Variants in KLHDC7A observed in about 807,000 individuals in gnomAD.
KLHDC7A encodes the protein kelch domain containing 7A, also known as kelch domain-containing protein 7A.
For missense variants in KLHDC7A, 1,123 were observed against 1,052.6 expected, an observed-to-expected ratio of 1.07 and a Z score of -0.93; for synonymous variants, 464 against 461.0, an observed-to-expected ratio of 1.01 and a Z score of -0.08.
At position 18,484,840 on chromosome 1, in the gene KLHDC7A, G is replaced by C. The variant is rs1273156404; in HGVS notation, c.*1525G>C. 1.2e-5 allele frequency: 2 copies of C among 167,054 alleles called. No homozygotes were observed. The highest frequency in any genetic ancestry group is 4.8e-5 in the African/African-American group (2 of 41,400). 10.3% of individuals were successfully genotyped at this position (167,054 alleles called of 1,614,324 possible). On this transcript the variant is annotated 3_prime_UTR_variant, in exon 1 of 1. Coordinates refer to ENST00000400664, the MANE Select transcript of KLHDC7A (RefSeq NM_152375.3). ...ACCACCATCCCTGGTCTGGGCTCTG[G>C]CACCAGGCTCTGCCAGTGGCAGCTC... is the stretch of plus-strand genomic sequence containing the variant.
Position 18,481,390 on chromosome 1 carries a change from C to T in KLHDC7A, c.409C>T (p.Pro137Ser), listed in dbSNP as rs1432897582. 6.2e-7 allele frequency: 1 copy of T among 1,612,800 alleles called. No individual in the cohort carries two copies. Residue 137 changes from proline (P) to serine (S), a missense_variant, in exon 1 of 1, where the codon CCT becomes TCT. Pro to Ser is a moderately conservative substitution (Grantham distance 74). Coordinates refer to ENST00000400664, the MANE Select transcript of KLHDC7A (RefSeq NM_152375.3). Reference protein sequence around the residue: ...GGQGSDSEQVPPCCPSQETRT... With the variant: ...GGQGSDSEQVSPCCPSQETRT... ...GCAGGGCTCGGACTCTGAGCAGGTG[C>T]CTCCTTGCTGCCCCAGCCAGGAAAC...
At position 18,483,049 on chromosome 1, in the gene KLHDC7A, A is replaced by T; in HGVS notation, c.2068A>T (p.Ile690Phe). The T allele has an allele frequency of 6.2e-7, 1 of 1,613,606 alleles. No homozygotes were observed. Residue 690 changes from isoleucine (I) to phenylalanine (F), a missense_variant, in exon 1 of 1, where the codon ATC becomes TTC. Ile to Phe is a conservative substitution (Grantham distance 21). Transcript: ENST00000400664. Reference protein sequence around the residue: ...YRFDLNRSLGIAVYRCSASTR... With the variant: ...YRFDLNRSLGFAVYRCSASTR... ...CTTTGACCTCAACCGCAGCCTGGGC[A>T]TCGCCGTGTACCGCTGCAGCGCCAG...
chr1:18,482,095 A>G lies in KLHDC7A; in HGVS notation c.1114A>G (p.Asn372Asp). The G allele has an allele frequency of 3.1e-6, 5 of 1,612,074 alleles. No individual in the cohort carries two copies. Among genetic ancestry groups the G allele is most frequent in the Non-Finnish European group, 4.2e-6 (5 of 1,179,364 alleles). The change falls in exon 1 of 1, where the codon AAC becomes GAC. Residue 372 changes from asparagine to aspartate, a missense_variant. By Grantham distance (23) the Asn-to-Asp change is conservative. Transcript: ENST00000400664. ...RKESLLQIAE[N>D]PELQLQPDGF... ...GGAGAGCCTTCTGCAGATAGCGGAG[A>G]ACCCAGAGCTGCAGCTGCAGCCAGA...
Position 18,482,568 on chromosome 1 carries a change from G to T in KLHDC7A, c.1587G>T (p.Val529=), listed in dbSNP as rs1175176816. 6.2e-7 allele frequency: 1 copy of T among 1,611,832 alleles called. No individual in the cohort carries two copies. ...RPLARMPPEA[V]SRGCAICSLF... ...TGGCTCGCATGCCCCCCGAGGCCGTGTCCCGGGGCTGTGCCATCTGCAGTC... is the reference window on the plus strand; with the variant it reads ...TGGCTCGCATGCCCCCCGAGGCCGTTTCCCGGGGCTGTGCCATCTGCAGTC... Residue 529 remains valine (V), a synonymous_variant, in exon 1 of 1, where the codon GTG becomes GTT. Coordinates refer to ENST00000400664, the MANE Select transcript of KLHDC7A (RefSeq NM_152375.3).
rs751307687 is a variant in KLHDC7A at position 18,481,891 on chromosome 1, G to A, written c.910G>A (p.Gly304Ser). 1 of 1,613,444 alleles carries A rather than the reference G, an allele frequency of 6.2e-7. No homozygotes were observed. Among genetic ancestry groups the A allele is most frequent in the Non-Finnish European group, 8.5e-7 (1 of 1,179,798 alleles). ...VESTSQAIFQ[G>S]RLAPRTAALT... ...ATCTACCTCTCAGGCCATCTTCCAG[G>A]GCAGGCTGGCTCCCAGGACAGCAGC... The change falls in exon 1 of 1, where the codon GGC becomes AGC. Residue 304 changes from glycine to serine, a missense_variant. Coordinates refer to ENST00000400664, the MANE Select transcript of KLHDC7A (RefSeq NM_152375.3).
In KLHDC7A at chr1:18,484,588, TTG is replaced by T. The variant is rs2086921756; in HGVS notation, c.*1274_*1275del. 1 of 167,474 alleles carries T rather than the reference TTG, an allele frequency of 6.0e-6. No homozygotes were observed. Among genetic ancestry groups the T allele is most frequent in the Non-Finnish European group, 1.5e-5 (1 of 68,448 alleles). 10.4% of individuals were successfully genotyped at this position (167,474 alleles called of 1,614,324 possible). A position where few individuals can be genotyped will look rare whatever the true frequency, so the allele number is the denominator to read the frequency against. ...TGCTTTGGACCTCAGTGTCCTTGTC[TTG>T]AAAATGGGAAGGACAATTCATGTCC... On this transcript the variant is annotated 3_prime_UTR_variant, in exon 1 of 1. Transcript: ENST00000400664.
In KLHDC7A at chr1:18,481,665, G is replaced by T; in HGVS notation, c.684G>T (p.Val228=). 6.2e-7 allele frequency: 1 copy of T among 1,614,148 alleles called. No individual in the cohort carries two copies. Among genetic ancestry groups the T allele is most frequent in the African/African-American group, 1.3e-5 (1 of 75,062 alleles). The change falls in exon 1 of 1, where the codon GTG becomes GTT. Residue 228 remains valine (V), a synonymous_variant. Coordinates refer to ENST00000400664, the MANE Select transcript of KLHDC7A (RefSeq NM_152375.3). ...ACCAGAGCTGGGTCTTCACCCGTGT[G>T]ATAGGGGTCAGCAGAGAAGAGGCTG... is the stretch of plus-strand genomic sequence containing the variant. ...DMNQSWVFTR[V]IGVSREEAGA... is the part of the protein sequence containing the mutation.
chr1:18,481,455 C>A lies in KLHDC7A; in HGVS notation c.474C>A (p.Phe158Leu). 2 of 1,613,546 alleles carry A rather than the reference C, an allele frequency of 1.2e-6. No individual in the cohort carries two copies. Among genetic ancestry groups the A allele is most frequent in the Non-Finnish European group, 1.7e-6 (2 of 1,179,876 alleles). ...AVGSNPDPPH[F>L]PRLGSEPKSS... is the part of the protein sequence containing the mutation. ...GCAGTAACCCTGACCCTCCCCATTT[C>A]CCCCGCTTGGGCAGCGAACCGAAGA... The change falls in exon 1 of 1, where the codon TTC becomes TTA. Residue 158 changes from phenylalanine to leucine, a missense_variant. Physicochemically the swap from Phe to Leu is conservative, Grantham distance 22. Transcript: ENST00000400664.
At position 18,482,015 on chromosome 1, in the gene KLHDC7A, G is replaced by A; in HGVS notation, c.1034G>A (p.Arg345Lys). ...QAGDTKGAAE[R>K]AASPQTGPWP... ...GGTGACACAAAGGGTGCAGCCGAAA[G>A]AGCCGCCTCCCCGCAGACAGGGCCG... The change falls in exon 1 of 1, where the codon AGA becomes AAA. Residue 345 changes from arginine (R) to lysine (K), a missense_variant. Coordinates refer to ENST00000400664, the MANE Select transcript of KLHDC7A (RefSeq NM_152375.3). 1.2e-6 allele frequency: 2 copies of A among 1,612,880 alleles called. No individual in the cohort carries two copies. Among genetic ancestry groups the A allele is most frequent in the East Asian group, 2.2e-5 (1 of 44,854 alleles).
chr1:18,481,857 C>T lies in KLHDC7A; in HGVS notation c.876C>T (p.Tyr292=). The change falls in exon 1 of 1, where the codon TAC becomes TAT. Residue 292 remains tyrosine (Y), a synonymous_variant. Coordinates refer to ENST00000400664, the MANE Select transcript of KLHDC7A (RefSeq NM_152375.3). The stretch of plus-strand genomic sequence containing the variant: ...GGCTCAAGGGCAAGGTGTACGACTA[C>T]TATGTGGAATCTACCTCTCAGGCCA... ...EPRLKGKVYD[Y]YVESTSQAIF... 6.2e-7 allele frequency: 1 copy of T among 1,613,998 alleles called. No homozygotes were observed. Among genetic ancestry groups the T allele is most frequent in the Non-Finnish European group, 8.5e-7 (1 of 1,179,968 alleles).
chr1:18,484,284 G>A lies in KLHDC7A; in HGVS notation c.*969G>A, dbSNP rs144269562. 4.8e-3 allele frequency: 1,773 copies of A among 367,672 alleles called. 9 individuals are homozygous for A. The highest frequency in any genetic ancestry group is 6.7e-3 in the Non-Finnish European group (1,201 of 179,484). 22.8% of individuals were successfully genotyped at this position (367,672 alleles called of 1,614,324 possible). ...ACATTTTCAGGTGGATGACCAAGCG[G>A]AGGAACTAGAAGAGTCTAGTGAAGC... On this transcript the variant is annotated 3_prime_UTR_variant, in exon 1 of 1. Coordinates refer to ENST00000400664, the MANE Select transcript of KLHDC7A (RefSeq NM_152375.3).
Position 18,481,313 on chromosome 1 carries a change from C to T in KLHDC7A, c.332C>T (p.Thr111Ile). 6.3e-7 allele frequency: 1 copy of T among 1,586,992 alleles called. No homozygotes were observed. Among genetic ancestry groups the T allele is most frequent in the Non-Finnish European group, 8.6e-7 (1 of 1,166,212 alleles). Residue 111 changes from threonine to isoleucine, a missense_variant, in exon 1 of 1, where the codon ACT (threonine) becomes ATT (isoleucine). Thr to Ile is a moderately conservative substitution (Grantham distance 89). Coordinates refer to ENST00000400664, the MANE Select transcript of KLHDC7A (RefSeq NM_152375.3). Reference sequence around the variant, plus strand: ...CCCTATGTCCTGGTCACGGGGGCCACTTCCACAGACAGGAAGCCCCAGAGA... The same window carrying T: ...CCCTATGTCCTGGTCACGGGGGCCATTTCCACAGACAGGAAGCCCCAGAGA... The part of the protein sequence containing the change: ...RGPYVLVTGA[T>I]STDRKPQRKG...
Position 18,481,911 on chromosome 1 carries a change from A to G in KLHDC7A, c.930A>G (p.Thr310=). Residue 310 remains threonine (T), a synonymous_variant, in exon 1 of 1, where the codon ACA becomes ACG. Coordinates refer to ENST00000400664, the MANE Select transcript of KLHDC7A (RefSeq NM_152375.3). ...TCCAGGGCAGGCTGGCTCCCAGGACAGCAGCCCTGACTGAGGTTCCATCCC... is the reference window on the plus strand; with the variant it reads ...TCCAGGGCAGGCTGGCTCCCAGGACGGCAGCCCTGACTGAGGTTCCATCCC... The part of the protein sequence containing the change: ...AIFQGRLAPR[T]AALTEVPSPR... 1 of 1,613,420 alleles carries G rather than the reference A, an allele frequency of 6.2e-7. No individual in the cohort carries two copies. The highest frequency in any genetic ancestry group is 1.1e-5 in the South Asian group (1 of 91,068).
chr1:18,482,093 A>G lies in KLHDC7A; in HGVS notation c.1112A>G (p.Glu371Gly). The change falls in exon 1 of 1, where the codon GAG (glutamate) becomes GGG (glycine). Residue 371 changes from glutamate to glycine, a missense_variant. Physicochemically the swap from Glu to Gly is moderately conservative, Grantham distance 98. Transcript: ENST00000400664. ...AAGGAGAGCCTTCTGCAGATAGCGG[A>G]GAACCCAGAGCTGCAGCTGCAGCCA... is the stretch of plus-strand genomic sequence containing the variant. ...SRKESLLQIA[E>G]NPELQLQPDG... is the part of the protein sequence containing the mutation. 6.2e-7 allele frequency: 1 copy of G among 1,612,504 alleles called. No homozygotes were observed. Among genetic ancestry groups the G allele is most frequent in the Non-Finnish European group, 8.5e-7 (1 of 1,179,716 alleles).
rs79247145 is a variant in KLHDC7A at position 18,484,183 on chromosome 1, C to A, written c.*868C>A. ...CCTGTCTGGAAGCTGGGGCAACCAC[C>A]ACCAGTCAGCACTTCAGGGTGACAG... On this transcript the variant is annotated 3_prime_UTR_variant, in exon 1 of 1. Transcript: ENST00000400664. 4.0e-6 allele frequency: 2 copies of A among 501,390 alleles called. No individual in the cohort carries two copies. Among genetic ancestry groups the A allele is most frequent in the Non-Finnish European group, 7.3e-6 (2 of 275,486 alleles). 31.1% of individuals were successfully genotyped at this position (501,390 alleles called of 1,614,324 possible).
At position 18,482,856 on chromosome 1, in the gene KLHDC7A, G is replaced by A; in HGVS notation, c.1875G>A (p.Leu625=). 1.2e-6 allele frequency: 2 copies of A among 1,611,710 alleles called. No individual in the cohort carries two copies. Among genetic ancestry groups the A allele is most frequent in the Non-Finnish European group, 1.7e-6 (2 of 1,179,642 alleles). ...CGCTCCCCAGTGACACGTTCGCCCT[G>A]GCGCACACGGCCACGGTGCGTGCCA... ...APPLPSDTFA[L]AHTATVRAKE... is the part of the protein sequence containing the mutation. The change falls in exon 1 of 1, where the codon CTG becomes CTA. Residue 625 remains leucine, a synonymous_variant. Coordinates refer to ENST00000400664, the MANE Select transcript of KLHDC7A (RefSeq NM_152375.3).
rs1271507808 is a variant in KLHDC7A, at chr1:18,481,670, G to A, written c.689G>A (p.Gly230Glu). 41 of 1,613,992 alleles carry A rather than the reference G, an allele frequency of 2.5e-5. No homozygotes were observed. Among genetic ancestry groups the A allele is most frequent in the Non-Finnish European group, 3.1e-5 (36 of 1,180,044 alleles). Residue 230 changes from glycine to glutamate, a missense_variant, in exon 1 of 1, where the codon GGG (glycine) becomes GAG (glutamate). By Grantham distance (98) the Gly-to-Glu change is moderately conservative. Transcript: ENST00000400664. ...AGCTGGGTCTTCACCCGTGTGATAG[G>A]GGTCAGCAGAGAAGAGGCTGGGGCT... ...NQSWVFTRVI[G>E]VSREEAGALE...
chr1:18,481,850 A>G lies in KLHDC7A; in HGVS notation c.869A>G (p.Tyr290Cys), dbSNP rs927688451. The G allele has an allele frequency of 1.9e-6, 3 of 1,613,904 alleles. No homozygotes were observed. The highest frequency in any genetic ancestry group is 2.5e-6 in the Non-Finnish European group (3 of 1,179,980). The change falls in exon 1 of 1, where the codon TAC becomes TGC. Residue 290 changes from tyrosine (Y) to cysteine (C), a missense_variant. Transcript: ENST00000400664. ...GVEPRLKGKV[Y>C]DYYVESTSQA... ...GAGCCCCGGCTCAAGGGCAAGGTGT[A>G]CGACTACTATGTGGAATCTACCTCT...
chr1:18,483,094 T>G lies in KLHDC7A; in HGVS notation c.2113T>G (p.Cys705Gly), dbSNP rs1569989893. The G allele has an allele frequency of 1.2e-6, 2 of 1,613,782 alleles. No homozygotes were observed. Among genetic ancestry groups the G allele is most frequent in the Non-Finnish European group, 1.7e-6 (2 of 1,179,990 alleles). The change falls in exon 1 of 1, where the codon TGC becomes GGC. Residue 705 changes from cysteine to glycine, a missense_variant. Cys to Gly is a radical substitution (Grantham distance 159). Transcript: ENST00000400664. The stretch of plus-strand genomic sequence containing the variant: ...CGCCAGCACCCGGCTCTGGTACGAG[T>G]GCGCCACGTACCGGACGCCTTACCC... ...CSASTRLWYE[C>G]ATYRTPYPDA...
Sources: allele counts gnomAD v4.1 joint callset, GRCh38; gene constraint gnomAD v4.1.1; transcripts MANE v1.5; gene names NCBI Gene and HGNC (gene_info 2026-07-23, HGNC 2026-07-21).